Variants in C12orf56 observed in about 807,000 individuals in gnomAD.
C12orf56 encodes uncharacterized protein C12orf56.
A neutral mutation model predicts 69.9 loss-of-function variants in C12orf56; 71 were observed. That is an observed-to-expected ratio of 1.02 (90% CI 0.84 to 1.24). The LOEUF is 1.24. C12orf56 is among the 50% of genes most tolerant of loss of function. The pLI is 0.00. For missense variants in C12orf56, 732 were observed against 738.5 expected (o/e 0.99, Z 0.10); for synonymous variants, 276 against 274.1 (o/e 1.01, Z -0.07).
At chr12:64,296,693 C>G (rs771158554) in intron 6 of C12orf56, among the ~76,000 whole-genome samples, 10 of 152,294 alleles carry the variant, frequency 6.6e-5, no homozygotes, top group Non-Finnish European at 1.5e-4. Flanking sequence ...ATGCTGTAGT[C>G]TGAATGTGTC....
At chr12:64,295,773 A>G (rs1044930486) in intron 6 of C12orf56, among the ~76,000 whole-genome samples, 1 of 151,322 alleles carries the variant, frequency 6.6e-6, no homozygotes, top group African/African-American at 2.4e-5. Context: ...AATAAAGTTC[A>G]TTTTAAAAGG....
At chr12:64,269,526 C>A (rs2037954851) in intron 12 of C12orf56, among the ~76,000 whole-genome samples, 1 of 152,138 alleles carries the variant, frequency 6.6e-6, no homozygotes, top group African/African-American at 2.4e-5. Flanking sequence ...TCAATTGCTT[C>A]TGTCCAATAA....
rs547113072 is a variant in C12orf56 at position 64,275,326 on chromosome 12, A to G, written c.1481T>C (p.Leu494Ser). 1.2e-5 allele frequency: 18 copies of G among 1,441,942 alleles called. No homozygotes were observed. The South Asian group carries it at 2.5e-4, about 20-fold the overall frequency. 89.3% of individuals were successfully genotyped at this position (1,441,942 alleles called of 1,614,324 possible). The change falls in exon 10 of 13, where the codon TTA becomes TCA. Residue 494 changes from leucine (L) to serine (S), a missense_variant. Physicochemically the swap from Leu to Ser is moderately radical, Grantham distance 145. Transcript: ENST00000543942. ...CTGAAAGACCAGAAGTATCTCATAT[A>G]AAAGTGCTGTAGCAGTATTTGTATA... ...LEYTNTATAL[L>S]YEILLVFQQG... is the part of the protein sequence containing the mutation.
chr12:64,380,380 C>T (rs1038196997), intron 1 of C12orf56, among the ~76,000 whole-genome samples: 1 of 152,020 alleles, frequency 6.6e-6, no homozygotes, highest in Admixed American at 6.6e-5. Context: ...TATGATAGAT[C>T]TGAGCATTAA....
At chr12:64,375,958 C>A (rs756198462) in intron 1 of C12orf56, among the ~76,000 whole-genome samples, 4 of 152,160 alleles carry the variant, frequency 2.6e-5, no homozygotes, top group Non-Finnish European at 5.9e-5. Flanking sequence ...AAAAAAAGGT[C>A]ATGGTCACCT....
rs2039251940 is a variant in C12orf56, at chr12:64,352,987, A to T, written c.322T>A (p.Ser108Thr). 1 of 1,613,158 alleles carries T rather than the reference A, an allele frequency of 6.2e-7. No homozygotes were observed. The highest frequency in any genetic ancestry group is 1.3e-5 in the African/African-American group (1 of 74,908). The change falls in exon 2 of 13, where the codon TCT becomes ACT. Residue 108 changes from serine (S) to threonine (T), a missense_variant. Ser to Thr is a moderately conservative substitution (Grantham distance 58). Coordinates refer to ENST00000543942, the MANE Select transcript of C12orf56 (RefSeq NM_001170633.2). ...EISQHIRIIY[S>T]STVLKKECKK... ...CACTCTTTTTTCAAAACGGTTGAAG[A>T]ATAGATGATACGAATGTGTTGGCTG...
Position 64,266,111 on chromosome 12 carries a change from G to C in C12orf56, c.*1072C>G, listed in dbSNP as rs1230059502. 1 of 152,258 alleles carries C rather than the reference G, an allele frequency of 6.6e-6. No individual in the cohort carries two copies. Among genetic ancestry groups the C allele is most frequent in the East Asian group, 1.9e-4 (1 of 5,204 alleles). 9.4% of individuals were successfully genotyped at this position (152,258 alleles called of 1,614,324 possible). A position where few individuals can be genotyped will look rare whatever the true frequency, so the allele number is the denominator to read the frequency against. The stretch of plus-strand genomic sequence containing the variant: ...AGGAATACTTTTGTCACTAGAATTT[G>C]TATAGGTGGAGGAGGAGGGTGTCAT... On this transcript the variant is annotated 3_prime_UTR_variant, in exon 13 of 13. Transcript: ENST00000543942.
At chr12:64,344,755 C>A (rs2039118413) in intron 2 of C12orf56, among the ~76,000 whole-genome samples, 2 of 152,142 alleles carry the variant, frequency 1.3e-5, no homozygotes, top group Non-Finnish European at 2.9e-5. Flanking sequence ...TCTGGACCCT[C>A]CCAGCTGGGA....
chr12:64,322,302 A>G (rs555083454), intron 3 of C12orf56, among the ~76,000 whole-genome samples: 126 of 152,088 alleles, frequency 8.3e-4, no homozygotes, highest in African/African-American at 2.8e-3. Flanking sequence ...CTATTCATCT[A>G]TCTTCAAATT....
intron 3 of C12orf56, 123 bp downstream of exon 3, chr12:64,330,837 A>G (rs2038920318): frequency 1.4e-6 from 1 of 697,878 alleles, no homozygotes; most frequent in Non-Finnish European, 2.3e-6. Flanking sequence ...CTTATTGCAT[A>G]TGTAAGATTA....
intron 6 of C12orf56, among the ~76,000 whole-genome samples, chr12:64,300,944 G>A (rs1865800): frequency 0.56 from 85,152 of 152,008 alleles, 24,133 homozygotes; most frequent in Non-Finnish European, 0.61. Context: ...GGAGGTGATT[G>A]GATCATGCAT....
chr12:64,353,563 A>C (rs2039263416), intron 1 of C12orf56, among the ~76,000 whole-genome samples: 1 of 152,166 alleles, frequency 6.6e-6, no homozygotes, highest in Non-Finnish European at 1.5e-5. Flanking sequence ...GTCCTTACCA[A>C]AAATGTGCTC....
chr12:64,339,757 T>G (rs544507232), intron 2 of C12orf56, among the ~76,000 whole-genome samples: 41 of 140,394 alleles, frequency 2.9e-4, no homozygotes, highest in Non-Finnish European at 5.3e-4. Context: ...GAGACAGGGT[T>G]TTGCCATGTT....
At chr12:64,348,513 A>T (rs2039178510) in intron 2 of C12orf56, among the ~76,000 whole-genome samples, 1 of 152,168 alleles carries the variant, frequency 6.6e-6, no homozygotes, top group Non-Finnish European at 1.5e-5. Flanking sequence ...ACTCTAACAT[A>T]TTTAACAGTC....
At chr12:64,348,774 T>C (rs889317292) in intron 2 of C12orf56, among the ~76,000 whole-genome samples, 1 of 152,232 alleles carries the variant, frequency 6.6e-6, no homozygotes, top group Admixed American at 6.5e-5. Context: ...GGTTGTTATG[T>C]TAAGTTTTTT....
At chr12:64,321,148 G>A (rs547738080) in intron 3 of C12orf56, among the ~76,000 whole-genome samples, 3 of 152,122 alleles carry the variant, frequency 2.0e-5, no homozygotes, top group Non-Finnish European at 4.4e-5. Context: ...ATCTCATAAG[G>A]TTTATGTGAG....
At chr12:64,366,342 T>C (rs1190767181) in intron 1 of C12orf56, among the ~76,000 whole-genome samples, 1 of 90,522 alleles carries the variant, frequency 1.1e-5, no homozygotes, top group Non-Finnish European at 2.0e-5. Flanking sequence ...ATACAGTTTA[T>C]ATATTATATA....
At chr12:64,338,245 G>A in intron 2 of C12orf56, 1 of 548,342 alleles carries the variant, frequency 1.8e-6, no homozygotes, top group South Asian at 1.5e-5. Context: ...GCTGGACTAT[G>A]AGATCCAGCT....
chr12:64,332,624 G>A (rs897849532), intron 2 of C12orf56, among the ~76,000 whole-genome samples: 13 of 152,098 alleles, frequency 8.5e-5, no homozygotes, highest in African/African-American at 2.9e-4. Context: ...TTCAAGGGGG[G>A]GCTCTCCAAA....
Sources: gnomAD v4.1 joint callset for allele counts (sites outside exome capture counted in the v4.1 genomes callset) on GRCh38, gnomAD v4.1.1 for gene constraint, MANE v1.5 for transcripts, NCBI Gene and HGNC (gene_info 2026-07-23, HGNC 2026-07-21) for gene names.